The following ACAP2 variants were observed in gnomAD, a reference collection of about 807,000 sequenced individuals.
ACAP2 encodes arf-GAP with coiled-coil, ANK repeat and PH domain-containing protein 2.
A neutral mutation model predicts 115.8 loss-of-function variants in ACAP2; 39 were observed. That is an observed-to-expected ratio of 0.34 (90% CI 0.26 to 0.44). ACAP2 has a LOEUF of 0.44. Ranked by LOEUF, ACAP2 falls within the 20% of genes least tolerant of loss-of-function variation. ACAP2 has a pLI of 1.00. For synonymous variants in ACAP2, 289 were observed against 315.8 expected, an observed-to-expected ratio of 0.92 and a Z score of 0.90; for missense variants, 662 against 927.6, an observed-to-expected ratio of 0.71 and a Z score of 3.72.
In ACAP2 at chr3:195,292,271, T is replaced by C. The variant is rs1357090746; in HGVS notation, c.1947A>G (p.Val649=). 12 of 1,590,322 alleles carry C rather than the reference T, an allele frequency of 7.5e-6. No homozygotes were observed. The Admixed American group carries it at 7.7e-5, about 10-fold the overall frequency. The part of the protein sequence containing the change: ...ENKATPLIQA[V]LGGSLVTCEF... ...TCATTGTATAAACGCATACCCCTAA[T>C]ACAGCCTGAATAAGTGGTGTCGCTT... Residue 649 remains valine (V), a synonymous_variant, in exon 19 of 23, where the codon GTA becomes GTG. Coordinates refer to ENST00000326793, the MANE Select transcript of ACAP2 (RefSeq NM_012287.6).
intron 4 of ACAP2, among the ~76,000 whole-genome samples, chr3:195,360,857 C>T (rs1732310155): frequency 6.7e-6 from 1 of 150,366 alleles, no homozygotes; most frequent in Admixed American, 6.6e-5. Context: ...ATAGACCAAA[C>T]AGGCCTAATG....
intron 1 of ACAP2, among the ~76,000 whole-genome samples, chr3:195,394,721 C>G (rs971468617): frequency 4.6e-5 from 7 of 152,168 alleles, no homozygotes; most frequent in African/African-American, 7.2e-5. Context: ...AAGACTCAGT[C>G]TCTCAAAAAA....
intron 10 of ACAP2, among the ~76,000 whole-genome samples, chr3:195,312,728 T>C (rs1728849557): frequency 6.6e-6 from 1 of 152,208 alleles, no homozygotes; most frequent in South Asian, 2.1e-4. Context: ...AATCAAAGAT[T>C]CCTTTACAGA....
intron 8 of ACAP2, among the ~76,000 whole-genome samples, 158 bp downstream of exon 8, chr3:195,332,870 G>C (rs1730265193): frequency 6.6e-6 from 1 of 152,186 alleles, no homozygotes; most frequent in African/African-American, 2.4e-5. Flanking sequence ...GCAGAACTGT[G>C]AGTCAATTAA....
intron 6 of ACAP2, among the ~76,000 whole-genome samples, chr3:195,341,279 T>G (rs1328522752): frequency 6.6e-6 from 1 of 151,748 alleles, no homozygotes; most frequent in Non-Finnish European, 1.5e-5. Context: ...AATACAGATT[T>G]CTAGTTTTTG....
intron 4 of ACAP2, among the ~76,000 whole-genome samples, chr3:195,346,913 A>T (rs1328867945): frequency 1.3e-5 from 2 of 152,210 alleles, no homozygotes; most frequent in African/African-American, 4.8e-5. Flanking sequence ...GCATTCAGGA[A>T]AGTGCAAGAC....
chr3:195,372,828 A>G (rs1221250405), intron 4 of ACAP2, among the ~76,000 whole-genome samples: 1 of 151,940 alleles, frequency 6.6e-6, no homozygotes, highest in African/African-American at 2.4e-5. Flanking sequence ...CAAAATAAAT[A>G]AACTCTGAAT....
At chr3:195,372,466 C>G (rs541442853) in intron 4 of ACAP2, among the ~76,000 whole-genome samples, 1 of 152,132 alleles carries the variant, frequency 6.6e-6, no homozygotes, top group East Asian at 1.9e-4. Context: ...GTCCCGGAGA[C>G]GATCACTTTA....
At chr3:195,424,261 G>GTGTGTGTA (rs1456909404) in intron 1 of ACAP2, among the ~76,000 whole-genome samples, 3 of 54,652 alleles carry the variant, frequency 5.5e-5, no homozygotes, top group African/African-American at 2.0e-4. Context: ...GTGTGTGTGT[G>GTGTGTGTA]TATATATATA....
At chr3:195,391,279 G>A (rs1734660169) in intron 2 of ACAP2, among the ~76,000 whole-genome samples, 1 of 147,452 alleles carries the variant, frequency 6.8e-6, no homozygotes, top group South Asian at 2.1e-4. Context: ...GCCCAGGCTG[G>A]AGTGCAATGG....
At chr3:195,323,272 GA>G (rs1415741360) in intron 9 of ACAP2, among the ~76,000 whole-genome samples, 4 of 151,954 alleles carry the variant, frequency 2.6e-5, no homozygotes, top group Non-Finnish European at 5.9e-5. Context: ...GGAAAGAAAG[GA>G]AAAAACCATC....
chr3:195,295,339 TAAGA>T (rs753618103), intron 17 of ACAP2: 275 of 1,228,734 alleles, frequency 2.2e-4, no homozygotes, highest in Non-Finnish European at 2.9e-4. Flanking sequence ...AAGCAGGCCA[TAAGA>T]AGGGAAAAGG....
At chr3:195,295,128 G>A (rs1727556277) in intron 17 of ACAP2, 1 of 871,804 alleles carries the variant, frequency 1.1e-6, no homozygotes, top group Middle Eastern at 2.7e-4. Flanking sequence ...GTAACATCTA[G>A]AGAAATGGCC....
intron 1 of ACAP2, among the ~76,000 whole-genome samples, chr3:195,404,745 CACAT>C (rs1712603891): frequency 6.7e-6 from 1 of 148,264 alleles, no homozygotes; most frequent in South Asian, 2.1e-4. Context: ...TATATATACA[CACAT>C]ACGTATTTAT....
At position 195,442,904 on chromosome 3, in the gene ACAP2, G is replaced by T. The variant is rs1402264686; in HGVS notation, c.-57C>A. 3 of 1,443,818 alleles carry T rather than the reference G, an allele frequency of 2.1e-6. No individual in the cohort carries two copies. The highest frequency in any genetic ancestry group is 2.8e-6 in the Non-Finnish European group (3 of 1,084,096). The allele number at this position is 1,443,818 out of a possible 1,614,324, so 89.4% of individuals were successfully genotyped here. A position where few individuals can be genotyped will look rare whatever the true frequency, so the allele number is the denominator to read the frequency against. ...AGCCGAGGGGGCCGCGGGAGCGGCCGCGCTGGGACGCAGACGGCTACGGCG... is the reference window on the plus strand; with the variant it reads ...AGCCGAGGGGGCCGCGGGAGCGGCCTCGCTGGGACGCAGACGGCTACGGCG... On this transcript the variant is annotated 5_prime_UTR_variant, in exon 1 of 23. Transcript: ENST00000326793.
In ACAP2 at chr3:195,320,774, C is replaced by G. The variant is rs771881722; in HGVS notation, c.784G>C (p.Asp262His). ...SDDSKLEYNV[D>H]AANGIVMEGY... The stretch of plus-strand genomic sequence containing the variant: ...TCCATAACTATGCCATTTGCAGCAT[C>G]TACGTTATATTCTAACTTAGAATCA... The change falls in exon 10 of 23, where the codon GAT (aspartate) becomes CAT (histidine). Residue 262 changes from aspartate to histidine, a missense_variant. This residue lies in a region of ACAP2 where 401 missense variants were observed against 604.4 expected (regional missense o/e 0.66). Coordinates refer to ENST00000326793, the MANE Select transcript of ACAP2 (RefSeq NM_012287.6). 5 of 1,613,466 alleles carry G rather than the reference C, an allele frequency of 3.1e-6. No individual in the cohort carries two copies. In the South Asian group the frequency reaches 5.5e-5, roughly 18 times the overall value.
chr3:195,419,944 T>C (rs1460767453), intron 1 of ACAP2, among the ~76,000 whole-genome samples: 3 of 152,206 alleles, frequency 2.0e-5, no homozygotes, highest in Admixed American at 6.5e-5. Flanking sequence ...ATATGGGACA[T>C]TGTCCTCATT....
chr3:195,356,030 T>C (rs748964817), intron 4 of ACAP2: 5 of 448,084 alleles, frequency 1.1e-5, no homozygotes, highest in South Asian at 7.8e-5. Context: ...AAAAAGCACC[T>C]TCATAAGAAC....
chr3:195,358,987 T>A (rs1394755633), intron 4 of ACAP2, among the ~76,000 whole-genome samples: 2 of 152,148 alleles, frequency 1.3e-5, no homozygotes, highest in Non-Finnish European at 2.9e-5. Flanking sequence ...CAGTAAACTT[T>A]TCAATGGAAA....
Sources: gnomAD v4.1 joint callset for allele counts (sites outside exome capture counted in the v4.1 genomes callset) on GRCh38, gnomAD v4.1.1 for gene constraint, gnomAD v4.1.1 regional missense constraint, MANE v1.5 for transcripts, NCBI Gene and HGNC (gene_info 2026-07-23, HGNC 2026-07-21) for gene names.